LRRC4C: variants seen among roughly 807,000 people sequenced by gnomAD.
The protein encoded by LRRC4C is leucine-rich repeat-containing protein 4C.
In LRRC4C, 5 loss-of-function variants were observed where a neutral mutation model predicts 33.6. The observed-to-expected ratio is 0.15, with a 90% CI of 0.08 to 0.31. The LOEUF (loss-of-function observed/expected upper bound fraction) is 0.31, where lower values mean the gene tolerates loss of function less well. Among genes scored for constraint, LRRC4C ranks in the 10% least tolerant of loss-of-function variants. LRRC4C has a pLI of 1.00. For missense variants in LRRC4C, 560 were observed against 796.7 expected, an observed-to-expected ratio of 0.70 and a Z score of 3.58; for synonymous variants, 329 against 302.0, an observed-to-expected ratio of 1.09 and a Z score of -0.93.
intron 3 of LRRC4C, among the ~76,000 whole-genome samples, chr11:40,589,437 G>C (rs1291892794): frequency 1.3e-5 from 2 of 151,886 alleles, no homozygotes; most frequent in Non-Finnish European, 2.9e-5. Flanking sequence ...ATCCAATTTG[G>C]CAGTCTGTGT....
intron 5 of LRRC4C, among the ~76,000 whole-genome samples, chr11:40,171,587 T>C (rs1860051105): frequency 6.6e-6 from 1 of 152,190 alleles, no homozygotes; most frequent in Non-Finnish European, 1.5e-5. Flanking sequence ...AAGGGGTCTT[T>C]ATAAGCATAG....
chr11:40,648,803 G>T (rs955748307), intron 2 of LRRC4C, among the ~76,000 whole-genome samples: 5 of 152,114 alleles, frequency 3.3e-5, no homozygotes. Flanking sequence ...TTCAGCGTAG[G>T]TTCTTTCTAT....
At chr11:40,645,539 T>C (rs918037113) in intron 3 of LRRC4C, among the ~76,000 whole-genome samples, 1 of 152,204 alleles carries the variant, frequency 6.6e-6, no homozygotes, top group Admixed American at 6.5e-5. Context: ...TCGCCCTGTT[T>C]ATTCCAGTAG....
At chr11:40,831,102 A>C (rs1043949396) in intron 2 of LRRC4C, among the ~76,000 whole-genome samples, 29 of 152,162 alleles carry the variant, frequency 1.9e-4, no homozygotes, top group African/African-American at 7.0e-4. Flanking sequence ...ATAGAGAAGC[A>C]AAAGAGGGGC....
At position 40,494,114 on chromosome 11, in the gene LRRC4C, C is replaced by A. The variant is rs184097250; in HGVS notation, c.-270+154028G>T. ...GAATCCTTCTCCATATTGCTACCATCGTGGGGTTCCACCATTCCCTCCACT... is the reference window on the plus strand; with the variant it reads ...GAATCCTTCTCCATATTGCTACCATAGTGGGGTTCCACCATTCCCTCCACT... On this transcript the variant is annotated intron_variant, in intron 3 of 6. Transcript: ENST00000528697. 4.6e-5 allele frequency among the ~76,000 whole-genome samples: 7 copies of A among 152,138 alleles called. 1 individual carries two copies. Among genetic ancestry groups the A allele is most frequent in the East Asian group, 1.9e-4 (1 of 5,168 alleles).
At chr11:40,334,143 G>A (rs1196316932) in intron 3 of LRRC4C, among the ~76,000 whole-genome samples, 3 of 152,130 alleles carry the variant, frequency 2.0e-5, no homozygotes, top group Non-Finnish European at 4.4e-5. Flanking sequence ...TATGTATACA[G>A]AGGATGCCAC....
At chr11:40,711,127 T>C (rs1243364984) in intron 2 of LRRC4C, among the ~76,000 whole-genome samples, 1 of 152,172 alleles carries the variant, frequency 6.6e-6, no homozygotes, top group Non-Finnish European at 1.5e-5. Flanking sequence ...GAAAGGGAAA[T>C]CCCCCGACCC....
chr11:40,713,279 G>A (rs1946554396), intron 2 of LRRC4C, among the ~76,000 whole-genome samples: 1 of 152,102 alleles, frequency 6.6e-6, no homozygotes, highest in Non-Finnish European at 1.5e-5. Flanking sequence ...TGACTCTTAA[G>A]CAATATTTGA....
chr11:40,756,193 C>G (rs912237169), intron 2 of LRRC4C, among the ~76,000 whole-genome samples: 1 of 151,978 alleles, frequency 6.6e-6, no homozygotes, highest in African/African-American at 2.4e-5. Flanking sequence ...GGACTTCCAG[C>G]CTCCAGAACT....
intron 1 of LRRC4C, among the ~76,000 whole-genome samples, chr11:41,219,213 G>A (rs1947196441): frequency 6.6e-6 from 1 of 152,056 alleles, no homozygotes; most frequent in Non-Finnish European, 1.5e-5. Context: ...AGACATTATA[G>A]TACAGACACA....
chr11:41,364,680 T>C (rs1360610517), intron 1 of LRRC4C, among the ~76,000 whole-genome samples: 1 of 152,140 alleles, frequency 6.6e-6, no homozygotes, highest in East Asian at 1.9e-4. Flanking sequence ...CAGAACAAAA[T>C]TTATTGCTTG....
chr11:40,514,256 C>A (rs186340541), intron 3 of LRRC4C, among the ~76,000 whole-genome samples: 1 of 152,010 alleles, frequency 6.6e-6, no homozygotes, highest in East Asian at 1.9e-4. Context: ...AGTACATGTC[C>A]AAAGTGTTGC....
chr11:40,478,381 G>C (rs1042475352), intron 3 of LRRC4C, among the ~76,000 whole-genome samples: 1 of 152,152 alleles, frequency 6.6e-6, no homozygotes, highest in Admixed American at 6.5e-5. Flanking sequence ...TGACAAAAAT[G>C]TACATGCAGG....
chr11:40,936,012 T>TTTTA, intron 1 of LRRC4C, among the ~76,000 whole-genome samples: 1 of 58,420 alleles, frequency 1.7e-5, no homozygotes, highest in Non-Finnish European at 3.3e-5. Context: ...AGATGCCAAA[T>TTTTA]TTTATATATA....
intron 1 of LRRC4C, among the ~76,000 whole-genome samples, chr11:41,231,799 A>G (rs558873039): frequency 3.9e-5 from 6 of 152,036 alleles, no homozygotes; most frequent in African/African-American, 1.2e-4. Context: ...ATATGTATAT[A>G]TACAAATATA....
chr11:40,901,479 C>T (rs1217838228), intron 2 of LRRC4C, among the ~76,000 whole-genome samples: 2 of 152,038 alleles, frequency 1.3e-5, no homozygotes, highest in African/African-American at 4.8e-5. Context: ...AATGTTTATA[C>T]ATACTGAAAG....
At chr11:40,726,241 C>A (rs1947287194) in intron 2 of LRRC4C, among the ~76,000 whole-genome samples, 1 of 151,626 alleles carries the variant, frequency 6.6e-6, no homozygotes, top group East Asian at 1.9e-4. Flanking sequence ...GAGCTGGTGT[C>A]AATTCTACTG....
At chr11:41,304,456 C>T (rs1226373721) in intron 1 of LRRC4C, among the ~76,000 whole-genome samples, 1 of 85,294 alleles carries the variant, frequency 1.2e-5, no homozygotes, top group Non-Finnish European at 2.4e-5. Context: ...GGCGCCTCTG[C>T]CCGGCCGCCC....
intron 1 of LRRC4C, among the ~76,000 whole-genome samples, chr11:41,101,469 A>G (rs1941178409): frequency 6.6e-6 from 1 of 152,194 alleles, no homozygotes; most frequent in Admixed American, 6.5e-5. Flanking sequence ...ACCAGGGAGA[A>G]TGGCTGTTAT....
Sources: gnomAD v4.1 joint callset for allele counts (sites outside exome capture counted in the v4.1 genomes callset) on GRCh38, gnomAD v4.1.1 for gene constraint, MANE v1.5 for transcripts, NCBI Gene and HGNC (gene_info 2026-07-23, HGNC 2026-07-21) for gene names.